ARHGEF7: variants seen among roughly 807,000 people sequenced by gnomAD.
ARHGEF7 encodes the protein Rho guanine nucleotide exchange factor 7, also known as PAK-interacting exchange factor beta.
In ARHGEF7, 33 loss-of-function variants were observed where a neutral mutation model predicts 109.8. The observed-to-expected ratio is 0.30, with a 90% CI of 0.23 to 0.40. The LOEUF is 0.40. ARHGEF7 is among the 10% of genes least tolerant of loss of function. ARHGEF7 has a pLI of 1.00. For missense variants in ARHGEF7, 938 were observed against 1,098.5 expected, an observed-to-expected ratio of 0.85 and a Z score of 2.07; for synonymous variants, 458 against 424.6, an observed-to-expected ratio of 1.08 and a Z score of -0.97.
chr13:111,252,717 A>G (rs2089931325), intron 8 of ARHGEF7, among the ~76,000 whole-genome samples: 1 of 152,160 alleles, frequency 6.6e-6, no homozygotes, highest in Non-Finnish European at 1.5e-5. Flanking sequence ...AACTCATTTT[A>G]TCCTTTAAAG....
chr13:111,263,664 C>G (rs2091330023), intron 8 of ARHGEF7, among the ~76,000 whole-genome samples: 1 of 152,236 alleles, frequency 6.6e-6, no homozygotes, highest in Non-Finnish European at 1.5e-5. Flanking sequence ...TTACCCAGTG[C>G]TCTTCAGTCC....
rs2091737065 is a variant in ARHGEF7 at position 111,267,312 on chromosome 13, G to GA, written c.951-236_951-235insA. Among the ~76,000 whole-genome samples, 3 of 152,032 alleles carry GA rather than the reference G, an allele frequency of 2.0e-5. No individual in the cohort carries two copies. In the South Asian group the frequency reaches 6.4e-4, roughly 32 times the overall value. ...CTTGGGCCTGAGGGTTGGTTGGGAT[G>GA]CTGTGCAGTCTGAATGCTGCTGGAG... On this transcript the variant is annotated intron_variant, in intron 8 of 21. Transcript: ENST00000646102.
intron 1 of ARHGEF7, among the ~76,000 whole-genome samples, chr13:111,149,533 G>A (rs562586046): frequency 3.4e-4 from 51 of 152,208 alleles, no homozygotes; most frequent in Non-Finnish European, 6.3e-4. Context: ...GAAATATAGC[G>A]TTAGGATCCA....
intron 1 of ARHGEF7, among the ~76,000 whole-genome samples, chr13:111,122,239 G>A (rs2067246009): frequency 3.3e-5 from 5 of 152,176 alleles, no homozygotes; most frequent in Admixed American, 3.3e-4. Flanking sequence ...CGGGAGGGCT[G>A]AGCGGGTGGA....
intron 8 of ARHGEF7, among the ~76,000 whole-genome samples, chr13:111,262,133 TATTACAAAAG>T (rs1209669664): frequency 1.3e-5 from 2 of 152,166 alleles, no homozygotes; most frequent in South Asian, 2.1e-4. Flanking sequence ...GAATTTGAAA[TATTACAAAAG>T]ATCGATGAAA....
chr13:111,264,357 T>A (rs2091400094), intron 8 of ARHGEF7, among the ~76,000 whole-genome samples: 1 of 152,184 alleles, frequency 6.6e-6, no homozygotes, highest in African/African-American at 2.4e-5. Flanking sequence ...TTTTAAAAAA[T>A]TTAGTTAACC....
At chr13:111,302,173 G>A (rs866159796) in intron 21 of ARHGEF7, among the ~76,000 whole-genome samples, 5 of 152,184 alleles carry the variant, frequency 3.3e-5, no homozygotes, top group South Asian at 2.1e-4. Flanking sequence ...CCAGGTTAGC[G>A]AGCCAGAAGT....
chr13:111,123,384 G>A (rs2067323750), intron 1 of ARHGEF7, among the ~76,000 whole-genome samples: 1 of 152,152 alleles, frequency 6.6e-6, no homozygotes. Flanking sequence ...TCAGCAAGCT[G>A]CCTGCCCTGC....
At position 111,201,127 on chromosome 13, in the gene ARHGEF7, T is replaced by C. The variant is rs1423216284; in HGVS notation, c.253-4162T>C. Among the ~76,000 whole-genome samples, 4 of 152,278 alleles carry C rather than the reference T, an allele frequency of 2.6e-5. No individual in the cohort carries two copies. The South Asian group carries it at 6.2e-4, about 24-fold the overall frequency. On this transcript the variant is annotated intron_variant, in intron 2 of 21. Coordinates refer to ENST00000646102, the MANE Select transcript of ARHGEF7 (RefSeq NM_001354046.2). ...CTCCTTCCAGTCTCTCCCCAGTGTTTGTCCAAATCCCCATCGTCCCCCTTG... is the reference window on the plus strand; with the variant it reads ...CTCCTTCCAGTCTCTCCCCAGTGTTCGTCCAAATCCCCATCGTCCCCCTTG...
At chr13:111,133,105 T>C (rs369569165) in intron 1 of ARHGEF7, among the ~76,000 whole-genome samples, 4 of 151,962 alleles carry the variant, frequency 2.6e-5, no homozygotes, top group African/African-American at 4.8e-5. Context: ...CACATATACA[T>C]ACATGCTATC....
At chr13:111,216,522 G>T (rs980971187) in intron 4 of ARHGEF7, among the ~76,000 whole-genome samples, 5 of 151,136 alleles carry the variant, frequency 3.3e-5, no homozygotes, top group Admixed American at 6.6e-5. Flanking sequence ...TGCTGATGTC[G>T]CTGGTGGGGA....
chr13:111,202,023 T>A (rs2081266552), intron 2 of ARHGEF7, among the ~76,000 whole-genome samples: 1 of 152,242 alleles, frequency 6.6e-6, no homozygotes, highest in African/African-American at 2.4e-5. Context: ...AGTTTTCTGG[T>A]GGAAAACTGG....
intron 1 of ARHGEF7, among the ~76,000 whole-genome samples, chr13:111,122,423 C>T (rs2067258954): frequency 6.6e-6 from 1 of 152,208 alleles, no homozygotes; most frequent in African/African-American, 2.4e-5. Flanking sequence ...TCAGTTCTGT[C>T]AAGTTAGGGT....
chr13:111,293,421 T>A, intron 19 of ARHGEF7: 1 of 973,300 alleles, frequency 1.0e-6, no homozygotes, highest in South Asian at 4.9e-5. Context: ...TAGGTTGCCA[T>A]GTGGCTCACT....
At chr13:111,222,132 GAC>G (rs1396797079) in intron 5 of ARHGEF7, among the ~76,000 whole-genome samples, 4 of 152,260 alleles carry the variant, frequency 2.6e-5, no homozygotes, top group Middle Eastern at 3.4e-3. Context: ...CACCCTCACA[GAC>G]ACACCCAGGA....
chr13:111,163,054 A>G (rs1278301266), intron 2 of ARHGEF7, among the ~76,000 whole-genome samples: 5 of 152,250 alleles, frequency 3.3e-5, no homozygotes, highest in Non-Finnish European at 7.3e-5. Flanking sequence ...GCACCCTTCT[A>G]TACTGTTGAT....
At chr13:111,254,226 C>T (rs966923304) in intron 8 of ARHGEF7, among the ~76,000 whole-genome samples, 4 of 152,238 alleles carry the variant, frequency 2.6e-5, no homozygotes, top group African/African-American at 7.2e-5. Context: ...GAGACTCATT[C>T]TCAGCATATT....
rs550103223 is a variant in ARHGEF7, at chr13:111,169,384, C to G, written c.252+15393C>G. ...TTCTGGAGAGGCCTCAGGAAACTTA[C>G]AATCGTGGTGGAAGGCAAAGGGGAA... On this transcript the variant is annotated intron_variant, in intron 2 of 21. Coordinates refer to ENST00000646102, the MANE Select transcript of ARHGEF7 (RefSeq NM_001354046.2). 4.6e-5 allele frequency among the ~76,000 whole-genome samples: 7 copies of G among 152,252 alleles called. No homozygotes were observed. In the South Asian group the frequency reaches 1.5e-3, roughly 32 times the overall value.
intron 10 of ARHGEF7, 141 bp from the exon 11 acceptor site, chr13:111,274,590 C>A: frequency 2.3e-6 from 1 of 432,016 alleles, no homozygotes; most frequent in Non-Finnish European, 4.1e-6. Flanking sequence ...TGCTGAAAGA[C>A]TGACACTTTA....
Sources: allele counts gnomAD v4.1 joint callset (sites outside exome capture counted in the v4.1 genomes callset), GRCh38; gene constraint gnomAD v4.1.1; transcripts MANE v1.5; gene names NCBI Gene and HGNC (gene_info 2026-07-23, HGNC 2026-07-21).